The following ABCA13 variants were observed in gnomAD, a reference collection of about 807,000 sequenced individuals.
The protein encoded by ABCA13 is ATP-binding cassette sub-family A member 13.
Under a neutral mutation model 478.7 loss-of-function variants are expected in ABCA13, and 476 were observed. That is an observed-to-expected ratio of 0.99 (90% CI 0.92 to 1.07). ABCA13 has a LOEUF of 1.07. ABCA13 is among the 50% of genes least tolerant of loss of function. The pLI is 0.00. For synonymous variants in ABCA13, 2,252 were observed against 2,158.9 expected, an observed-to-expected ratio of 1.04 and a Z score of -1.20; for missense variants, 6,060 against 5,910.6, an observed-to-expected ratio of 1.03 and a Z score of -0.83.
chr7:48,627,413 C>T (rs567240511), intron 59 of ABCA13, among the ~76,000 whole-genome samples: 5 of 151,954 alleles, frequency 3.3e-5, no homozygotes, highest in East Asian at 1.9e-4. Context: ...GTGTATTTAC[C>T]GAGAAAACAG....
chr7:48,325,678 A>G (rs1804213249), intron 27 of ABCA13, among the ~76,000 whole-genome samples: 2 of 152,194 alleles, frequency 1.3e-5, no homozygotes, highest in African/African-American at 4.8e-5. Flanking sequence ...AATATGAATA[A>G]TTATTACTAT....
At position 48,626,333 on chromosome 7, in the gene ABCA13, G is replaced by A. The variant is rs184070296; in HGVS notation, c.14837+10956G>A. Among the ~76,000 whole-genome samples, 170 of 152,284 alleles carry A rather than the reference G, an allele frequency of 1.1e-3. 3 individuals are homozygous for A. Among genetic ancestry groups the A allele is most frequent in the African/African-American group, 3.9e-3 (162 of 41,560 alleles). On this transcript the variant is annotated intron_variant, in intron 59 of 61. Coordinates refer to ENST00000435803, the MANE Select transcript of ABCA13 (RefSeq NM_152701.5). ...ATGGGTGAGGAGGAATTTAAATCACGTGTATGCTTAGCCAGCTAATCAACT... is the reference window on the plus strand; with the variant it reads ...ATGGGTGAGGAGGAATTTAAATCACATGTATGCTTAGCCAGCTAATCAACT...
At position 48,244,601 on chromosome 7, in the gene ABCA13, A is replaced by G; in HGVS notation, c.1288A>G (p.Ser430Gly). The G allele has an allele frequency of 6.2e-7, 1 of 1,613,436 alleles. No individual in the cohort carries two copies. The highest frequency in any genetic ancestry group is 2.2e-5 in the East Asian group (1 of 44,862). The change falls in exon 11 of 62, where the codon AGC (serine) becomes GGC (glycine). Residue 430 changes from serine (S) to glycine (G), a missense_variant. Physicochemically the swap from Ser to Gly is moderately conservative, Grantham distance 56. Around this residue, in one of 3 missense-constraint regions of ABCA13, gnomAD observed 4,423 missense variants for 4,309.1 expected, o/e 1.03. Transcript: ENST00000435803. ...KILQHLWKLQ[S>G]LLQNLPQWPA... The stretch of plus-strand genomic sequence containing the variant: ...ATTACAGCATCTGTGGAAATTGCAA[A>G]GCTTGCTGCAAAACCTGCCCCAGTG...
At chr7:48,312,331 T>A (rs990257871) in intron 24 of ABCA13, among the ~76,000 whole-genome samples, 1 of 152,158 alleles carries the variant, frequency 6.6e-6, no homozygotes, top group African/African-American at 2.4e-5. Flanking sequence ...TATCCATTCA[T>A]CCAACAAATA....
intron 58 of ABCA13, among the ~76,000 whole-genome samples, chr7:48,610,949 A>G (rs1369933598): frequency 2.0e-5 from 3 of 152,214 alleles, no homozygotes; most frequent in Admixed American, 1.3e-4. Flanking sequence ...GGCTGCCTAG[A>G]AGGTCTCTGA....
intron 14 of ABCA13, among the ~76,000 whole-genome samples, 182 bp downstream of exon 14, chr7:48,248,626 A>G (rs1052152738): frequency 6.6e-6 from 1 of 152,242 alleles, no homozygotes. Context: ...ACTGTAAAAT[A>G]TGAAAGAGTT....
Position 48,471,621 on chromosome 7 carries a change from G to T in ABCA13, c.12975+22G>T, listed in dbSNP as rs750235994. The stretch of plus-strand genomic sequence containing the variant: ...CCTGGTAGGTTTCTGCAGCATTTTT[G>T]ATCTTTTTAAGTCTAAAATTCAAGT... On this transcript the variant is annotated intron_variant, in intron 45 of 61. Coordinates refer to ENST00000435803, the MANE Select transcript of ABCA13 (RefSeq NM_152701.5). 13 of 1,547,408 alleles carry T rather than the reference G, an allele frequency of 8.4e-6. No homozygotes were observed. In the South Asian group the frequency reaches 1.3e-4, roughly 16 times the overall value.
At chr7:48,618,037 G>A (rs1187559123) in intron 59 of ABCA13, among the ~76,000 whole-genome samples, 2 of 152,112 alleles carry the variant, frequency 1.3e-5, no homozygotes, top group Non-Finnish European at 2.9e-5. Flanking sequence ...AGAGAAATGG[G>A]GCCTCAGATG....
At chr7:48,525,925 G>C (rs1378735746) in intron 54 of ABCA13, among the ~76,000 whole-genome samples, 1 of 151,820 alleles carries the variant, frequency 6.6e-6, no homozygotes. Context: ...AGTGTGTGTT[G>C]TTCCCCTCCC....
intron 5 of ABCA13, among the ~76,000 whole-genome samples, chr7:48,223,958 CAA>C (rs1197606657): frequency 0.24 from 18,843 of 78,320 alleles, 1,643 homozygotes; most frequent in East Asian, 0.39. Context: ...GACTCGGTCT[CAA>C]AAAAAAAAAA....
In ABCA13 at chr7:48,616,048, A is replaced by G. The variant is rs1480973887; in HGVS notation, c.14837+671A>G. On this transcript the variant is annotated intron_variant, in intron 59 of 61. Transcript: ENST00000435803. ...TTAAAGTTGCCTAAATACACGTCCA[A>G]TTTTCCTTTGATTTGTTTAACCTGT... 2.7e-5 allele frequency among the ~76,000 whole-genome samples: 4 copies of G among 147,266 alleles called. No individual in the cohort carries two copies. The East Asian group carries it at 7.9e-4, about 29-fold the overall frequency.
At chr7:48,286,542 T>C (rs1432884370) in intron 19 of ABCA13, among the ~76,000 whole-genome samples, 2 of 151,918 alleles carry the variant, frequency 1.3e-5, no homozygotes, top group African/African-American at 4.8e-5. Context: ...TCTCGCTCTG[T>C]CGCCCAGGCT....
intron 42 of ABCA13, among the ~76,000 whole-genome samples, chr7:48,447,786 G>A (rs533563281): frequency 6.6e-6 from 1 of 152,230 alleles, no homozygotes; most frequent in East Asian, 1.9e-4. Context: ...TTTGGGCTGG[G>A]GAGTGAGATT....
In ABCA13 at chr7:48,403,780, A is replaced by T. The variant is rs775870827; in HGVS notation, c.11971A>T (p.Met3991Leu). The T allele has an allele frequency of 6.2e-7, 1 of 1,613,908 alleles. No homozygotes were observed. The highest frequency in any genetic ancestry group is 1.7e-5 in the Admixed American group (1 of 60,006). The stretch of plus-strand genomic sequence containing the variant: ...GAAGCTCTCCCTTGGCATTGCTTTC[A>T]TGGGCATGTCGAGGACCGTGGTTCT... ...KRKLSLGIAF[M>L]GMSRTVVLDE... The change falls in exon 39 of 62, where the codon ATG (methionine) becomes TTG (leucine). Residue 3991 changes from methionine to leucine, a missense_variant. By Grantham distance (15) the Met-to-Leu change is conservative. Around this residue, in one of 3 missense-constraint regions of ABCA13, gnomAD observed 1,627 missense variants for 1,571.0 expected, o/e 1.04. Transcript: ENST00000435803.
rs1236975065 is a variant in ABCA13, at chr7:48,276,387, A to T, written c.6721A>T (p.Ile2241Phe). The T allele has an allele frequency of 1.9e-6, 3 of 1,556,314 alleles. No homozygotes were observed. The highest frequency in any genetic ancestry group is 2.7e-5 in the African/African-American group (2 of 73,204). ...DLQIMNFINL[I>F]LNHMQSETSR... ...TCAAATAATGAATTTCATTAACCTT[A>T]TCTTGAACCATATGCAGTCAGAAAC... The change falls in exon 17 of 62, where the codon ATC (isoleucine) becomes TTC (phenylalanine). Residue 2241 changes from isoleucine (I) to phenylalanine (F), a missense_variant. Transcript: ENST00000435803.
At chr7:48,498,437 T>C (rs79005248) in intron 48 of ABCA13, among the ~76,000 whole-genome samples, 1 of 152,126 alleles carries the variant, frequency 6.6e-6, no homozygotes, top group South Asian at 2.1e-4. Flanking sequence ...GTTGAAGTCT[T>C]ATAGTCTCAG....
chr7:48,181,006 T>C (rs1056376635), intron 1 of ABCA13, among the ~76,000 whole-genome samples: 15 of 152,070 alleles, frequency 9.9e-5, no homozygotes, highest in African/African-American at 3.4e-4. Context: ...TAAGTAGTAA[T>C]ATGGCTAAGC....
intron 1 of ABCA13, among the ~76,000 whole-genome samples, chr7:48,190,314 AT>A (rs1211542877): frequency 5.3e-5 from 8 of 152,180 alleles, no homozygotes; most frequent in African/African-American, 1.9e-4. Context: ...ATTGAACTGC[AT>A]CTACTTGATT....
intron 33 of ABCA13, among the ~76,000 whole-genome samples, chr7:48,373,397 A>G (rs943923751): frequency 5.3e-5 from 8 of 152,236 alleles, no homozygotes; most frequent in South Asian, 2.1e-4. Context: ...AAATATTTCT[A>G]TGAAAGCCAA....
Sources: gnomAD v4.1 joint callset for allele counts (sites outside exome capture counted in the v4.1 genomes callset) on GRCh38, gnomAD v4.1.1 for gene constraint, gnomAD v4.1.1 regional missense constraint, MANE v1.5 for transcripts, NCBI Gene and HGNC (gene_info 2026-07-23, HGNC 2026-07-21) for gene names.